The following SOCS6 variants were observed in gnomAD, a reference collection of about 807,000 sequenced individuals.
SOCS6 encodes STAT induced STAT inhibitor-4.
Under a neutral mutation model 27.7 loss-of-function variants are expected in SOCS6, and 5 were observed. The observed-to-expected ratio is 0.18, with a 90% CI of 0.09 to 0.38. The LOEUF is 0.38. Among genes scored for constraint, SOCS6 ranks in the 10% least tolerant of loss-of-function variants. The pLI is 1.00. For missense variants in SOCS6, 595 were observed against 688.1 expected (o/e 0.86, Z 1.51); for synonymous variants, 271 against 260.0 (o/e 1.04, Z -0.41).
intron 1 of SOCS6, among the ~76,000 whole-genome samples, chr18:70,295,374 T>C (rs192683716): frequency 6.6e-6 from 1 of 152,352 alleles, no homozygotes; most frequent in Admixed American, 6.5e-5. Context: ...ACCATATCAA[T>C]AATATGCTAG....
In SOCS6 at chr18:70,326,466, A is replaced by G. The variant is rs1049046493; in HGVS notation, c.*190A>G. The G allele has an allele frequency of 1.5e-5, 9 of 582,004 alleles. No homozygotes were observed. Among genetic ancestry groups the G allele is most frequent in the African/African-American group, 1.3e-4 (7 of 53,312 alleles). 36.1% of individuals were successfully genotyped at this position (582,004 alleles called of 1,614,324 possible). A position where few individuals can be genotyped will look rare whatever the true frequency, so the allele number is the denominator to read the frequency against. On this transcript the variant is annotated 3_prime_UTR_variant, in exon 2 of 2. Coordinates refer to ENST00000397942, the MANE Select transcript of SOCS6 (RefSeq NM_004232.4). Reference sequence around the variant, plus strand: ...TGTCTTGGGTTTATTTTGGTTCTTTAAAAAAGGGAAGTCTTGAGGTTTTAG... The same window carrying G: ...TGTCTTGGGTTTATTTTGGTTCTTTGAAAAAGGGAAGTCTTGAGGTTTTAG...
rs1487936478 is a variant in SOCS6, at chr18:70,324,716, T to TAAA, written c.50_52dup (p.Lys17dup). 7 of 1,606,734 alleles carry TAAA rather than the reference T, an allele frequency of 4.4e-6. No homozygotes were observed. The highest frequency in any genetic ancestry group is 6.0e-6 in the Non-Finnish European group (7 of 1,176,320). On this transcript the variant is annotated inframe_insertion, in exon 2 of 2. Coordinates refer to ENST00000397942, the MANE Select transcript of SOCS6 (RefSeq NM_004232.4). ...CCTTACGGAAATCTTTTAACTTGAA[T>TAAA]AAAAGTAAAGAAGAAACTGATTTCA... is the stretch of plus-strand genomic sequence containing the variant.
intron 1 of SOCS6, among the ~76,000 whole-genome samples, chr18:70,301,371 A>G (rs1183390193): frequency 6.6e-6 from 1 of 152,210 alleles, no homozygotes; most frequent in African/African-American, 2.4e-5. Context: ...TTTTGGAGGT[A>G]GCTGAAATTG....
Position 70,329,383 on chromosome 18 carries a change from T to C in SOCS6, c.*3107T>C, listed in dbSNP as rs1911333970. The C allele has an allele frequency of 6.0e-6, 1 of 167,090 alleles. No individual in the cohort carries two copies. Among genetic ancestry groups the C allele is most frequent in the South Asian group, 2.1e-4 (1 of 4,836 alleles). The allele number at this position is 167,090 out of a possible 1,614,324, so 10.4% of individuals were successfully genotyped here. ...GAAACAAAACCCAAAGTATGCGTTG[T>C]AATTCTTGAGCCAGTATTACTGAAA... is the stretch of plus-strand genomic sequence containing the variant. On this transcript the variant is annotated 3_prime_UTR_variant, in exon 2 of 2. Coordinates refer to ENST00000397942, the MANE Select transcript of SOCS6 (RefSeq NM_004232.4).
At chr18:70,322,632 ACT>A (rs1248023262) in intron 1 of SOCS6, among the ~76,000 whole-genome samples, 1 of 152,198 alleles carries the variant, frequency 6.6e-6, no homozygotes, top group East Asian at 1.9e-4. Context: ...CTACTAAGAC[ACT>A]GAGTTCACCT....
chr18:70,289,155 C>T (rs1372775565), intron 1 of SOCS6, 65 bp downstream of exon 1: 2 of 150,004 alleles, frequency 1.3e-5, no homozygotes, highest in East Asian at 3.9e-4. Context: ...TCCGGGTCGC[C>T]CGCGGTCCGG....
chr18:70,310,133 A>G (rs1466176162), intron 1 of SOCS6, among the ~76,000 whole-genome samples: 1 of 152,248 alleles, frequency 6.6e-6, no homozygotes, highest in African/African-American at 2.4e-5. Flanking sequence ...GTACACACTT[A>G]CCATTTCCAG....
rs1357667971 is a variant in SOCS6, at chr18:70,325,365, C to T, written c.697C>T (p.Pro233Ser). 1.2e-6 allele frequency: 2 copies of T among 1,614,104 alleles called. No individual in the cohort carries two copies. Among genetic ancestry groups the T allele is most frequent in the African/African-American group, 1.3e-5 (1 of 75,030 alleles). Reference protein sequence around the residue: ...YTVPLDEGMYPLEGSRSYCLD... With the variant: ...YTVPLDEGMYSLEGSRSYCLD... ...TGTGCCTTTAGATGAGGGGATGTAT[C>T]CTTTGGAAGGATCACGGAGCTATTG... The change falls in exon 2 of 2, where the codon CCT (proline) becomes TCT (serine). Residue 233 changes from proline (P) to serine (S), a missense_variant. Physicochemically the swap from Pro to Ser is moderately conservative, Grantham distance 74. Coordinates refer to ENST00000397942, the MANE Select transcript of SOCS6 (RefSeq NM_004232.4). This position sits in a 1 kb window ranked among gnomAD's most constrained non-coding sequence, Gnocchi z 6.3.
chr18:70,323,349 A>G (rs1350397039), intron 1 of SOCS6, among the ~76,000 whole-genome samples: 2 of 152,178 alleles, frequency 1.3e-5, no homozygotes, highest in Non-Finnish European at 2.9e-5. Context: ...TGGAACCAAG[A>G]TTTTTTGCTG....
chr18:70,292,180 C>T (rs756759476), intron 1 of SOCS6, among the ~76,000 whole-genome samples: 11 of 152,198 alleles, frequency 7.2e-5, no homozygotes, highest in Admixed American at 7.2e-4. Context: ...CGTAAGATTT[C>T]AGTTCTCACC....
rs1234343860 is a variant in SOCS6 at position 70,328,670 on chromosome 18, TAAAATC to T, written c.*2398_*2403del. The T allele has an allele frequency of 6.0e-6, 1 of 166,932 alleles. No individual in the cohort carries two copies. The highest frequency in any genetic ancestry group is 6.5e-5 in the Admixed American group (1 of 15,270). 10.3% of individuals were successfully genotyped at this position (166,932 alleles called of 1,614,324 possible). A position where few individuals can be genotyped will look rare whatever the true frequency, so the allele number is the denominator to read the frequency against. ...TTGTTAGATTCTGATAGTATAATGA[TAAAATC>T]AAACTATTTGCCAAAAAGTTAAATT... On this transcript the variant is annotated 3_prime_UTR_variant, in exon 2 of 2. Coordinates refer to ENST00000397942, the MANE Select transcript of SOCS6 (RefSeq NM_004232.4).
intron 1 of SOCS6, among the ~76,000 whole-genome samples, chr18:70,310,343 C>A (rs1170017213): frequency 2.0e-5 from 3 of 150,824 alleles, no homozygotes; most frequent in South Asian, 2.1e-4. Flanking sequence ...GTGGTGCAGT[C>A]ACAGGTCGCT....
rs56871935 is a variant in SOCS6 at position 70,307,542 on chromosome 18, A to G, written c.-126-17001A>G. On this transcript the variant is annotated intron_variant, in intron 1 of 1. Coordinates refer to ENST00000397942, the MANE Select transcript of SOCS6 (RefSeq NM_004232.4). ...CCTTACTCGTTATAGGTCTATTTAGATTCTCTGTTTCCTTTTGAGTCAGAT... is the reference window on the plus strand; with the variant it reads ...CCTTACTCGTTATAGGTCTATTTAGGTTCTCTGTTTCCTTTTGAGTCAGAT... 3.3e-5 allele frequency among the ~76,000 whole-genome samples: 5 copies of G among 152,192 alleles called. No homozygotes were observed. In the East Asian group the frequency reaches 9.7e-4, roughly 29 times the overall value.
At chr18:70,300,450 C>G (rs1251586707) in intron 1 of SOCS6, among the ~76,000 whole-genome samples, 1 of 152,038 alleles carries the variant, frequency 6.6e-6, no homozygotes, top group Admixed American at 6.5e-5. Flanking sequence ...TTCTTATAAG[C>G]CAACACAAAA....
intron 1 of SOCS6, among the ~76,000 whole-genome samples, chr18:70,298,684 G>A (rs2062335040): frequency 6.6e-6 from 1 of 152,134 alleles, no homozygotes; most frequent in Admixed American, 6.5e-5. Context: ...CTGATTTAGA[G>A]TTAAGATACC....
chr18:70,305,510 C>T (rs1010405731), intron 1 of SOCS6, among the ~76,000 whole-genome samples: 2 of 152,084 alleles, frequency 1.3e-5, no homozygotes, highest in Admixed American at 1.3e-4. Context: ...TAAGCACTTT[C>T]GAAATTGGAT....
rs1568608228 is a variant in SOCS6, at chr18:70,329,212, A to ACC, written c.*2936_*2937insCC. 30 of 167,094 alleles carry ACC rather than the reference A, an allele frequency of 1.8e-4. No homozygotes were observed. Among genetic ancestry groups the ACC allele is most frequent in the African/African-American group, 7.2e-4 (30 of 41,454 alleles). The allele number at this position is 167,094 out of a possible 1,614,324, so 10.4% of individuals were successfully genotyped here. On this transcript the variant is annotated 3_prime_UTR_variant, in exon 2 of 2. Transcript: ENST00000397942. ...GAAAACTCTTTCTACTTGGTGCAAT[A>ACC]ATCTGAAAATTTAGAAGGTCAAAAT...
At chr18:70,294,558 G>A (rs2062315176) in intron 1 of SOCS6, among the ~76,000 whole-genome samples, 2 of 152,162 alleles carry the variant, frequency 1.3e-5, no homozygotes, top group African/African-American at 4.8e-5. Flanking sequence ...TGATTAATCA[G>A]CCACACCTGT....
At chr18:70,312,490 T>A (rs975583199) in intron 1 of SOCS6, among the ~76,000 whole-genome samples, 1 of 152,234 alleles carries the variant, frequency 6.6e-6, no homozygotes, top group African/African-American at 2.4e-5. Flanking sequence ...TACAAAGTTT[T>A]ACCAATTTAC....
Sources: allele counts gnomAD v4.1 joint callset (sites outside exome capture counted in the v4.1 genomes callset), GRCh38; gene constraint gnomAD v4.1.1; non-coding constraint Gnocchi (gnomAD v3.1); transcripts MANE v1.5; gene names NCBI Gene and HGNC (gene_info 2026-07-23, HGNC 2026-07-21).